Variants in CAMKK1 observed in about 807,000 individuals in gnomAD.
CAMKK1 encodes the protein calcium/calmodulin-dependent protein kinase kinase 1.
Under a neutral mutation model 63.5 loss-of-function variants are expected in CAMKK1, and 20 were observed. The ratio of observed to expected loss-of-function variants is 0.32; its 90% CI spans 0.22 to 0.46. The LOEUF (loss-of-function observed/expected upper bound fraction) is 0.46. CAMKK1 is among the 20% of genes least tolerant of loss of function. The pLI is 1.00. For synonymous variants in CAMKK1, 253 were observed against 269.0 expected (o/e 0.94, Z 0.58); for missense variants, 588 against 658.1 (o/e 0.89, Z 1.17).
intron 7 of CAMKK1, 138 bp from the exon 8 acceptor site, chr17:3,881,786 G>C (rs1445675226): frequency 1.4e-6 from 1 of 729,878 alleles, no homozygotes; most frequent in East Asian, 2.7e-5. Context: ...GGGGACCCTG[G>C]GATATGAGAG....
intron 15 of CAMKK1, among the ~76,000 whole-genome samples, chr17:3,863,545 T>G (rs2054397913): frequency 6.6e-6 from 1 of 152,072 alleles, no homozygotes; most frequent in Non-Finnish European, 1.5e-5. Flanking sequence ...GGATAAATAT[T>G]GGGACTTGAT....
At position 3,883,858 on chromosome 17, in the gene CAMKK1, C is replaced by T. The variant is rs747613603; in HGVS notation, c.462+26G>A. 1.9e-6 allele frequency: 3 copies of T among 1,613,054 alleles called. No individual in the cohort carries two copies. In the Admixed American group the frequency reaches 5.0e-5, roughly 27 times the overall value. ...GGCTTCCAGGGCCTGGCTTGGGCAA[C>T]ACCTCCCTCGTATCCCCAGACTCAC... On this transcript the variant is annotated intron_variant, in intron 4 of 15. Transcript: ENST00000348335. The surrounding 1 kb of genome is among the most constrained non-coding windows in gnomAD (Gnocchi z 4.7).
In CAMKK1 at chr17:3,892,963, C is replaced by CTT. The variant is rs2055958267; in HGVS notation, c.-69_-68insAA. 6.6e-6 allele frequency: 1 copy of CTT among 150,600 alleles called. No homozygotes were observed. Among genetic ancestry groups the CTT allele is most frequent in the Non-Finnish European group, 1.5e-5 (1 of 67,270 alleles). 9.3% of individuals were successfully genotyped at this position (150,600 alleles called of 1,614,324 possible). Reference sequence around the variant, plus strand: ...CCTGGGCGCCGGGCGACAGTGTCCGCGGCCCGGCGGGCGGCCCCACTCGCT... The same window carrying CTT: ...CCTGGGCGCCGGGCGACAGTGTCCGCTTGGCCCGGCGGGCGGCCCCACTCGCT... On this transcript the variant is annotated 5_prime_UTR_variant, in exon 1 of 16. Coordinates refer to ENST00000348335, the MANE Select transcript of CAMKK1 (RefSeq NM_032294.3). This position sits in a 1 kb window ranked among gnomAD's most constrained non-coding sequence, Gnocchi z 7.5.
At chr17:3,885,243 G>A (rs996595093) in intron 2 of CAMKK1, 85 bp downstream of exon 2, 15 of 1,407,486 alleles carry the variant, frequency 1.1e-5, no homozygotes, top group East Asian at 9.7e-5. Flanking sequence ...CTAGATAGCC[G>A]TGTGGCACAG....
In CAMKK1 at chr17:3,892,922, GCC is replaced by G. The variant is rs1290643572; in HGVS notation, c.-44+15_-44+16del. The G allele has an allele frequency of 6.7e-6, 1 of 149,152 alleles. No individual in the cohort carries two copies. The highest frequency in any genetic ancestry group is 2.0e-4 in the East Asian group (1 of 5,058). 9.2% of individuals were successfully genotyped at this position (149,152 alleles called of 1,614,324 possible). ...CCTCCTGCTCCTCGCCCGCGTCCCC[GCC>G]CCGCCGATCCCTACCTGGGCGCCGG... On this transcript the variant is annotated intron_variant, in intron 1 of 15. Transcript: ENST00000348335. This position sits in a 1 kb window ranked among gnomAD's most constrained non-coding sequence, Gnocchi z 7.5.
rs2055941236 is a variant in CAMKK1, at chr17:3,892,542, G to A, written c.-44+397C>T. ...GCTCCTGCAGGAAGACGCTCCGGCG[G>A]GCCGTGGGAGGAGCGCTCCGCGGAG... On this transcript the variant is annotated intron_variant, in intron 1 of 15. Transcript: ENST00000348335. The surrounding 1 kb of genome is among the most constrained non-coding windows in gnomAD (Gnocchi z 7.5). Among the ~76,000 whole-genome samples, 1 of 152,120 alleles carries A rather than the reference G, an allele frequency of 6.6e-6. No individual in the cohort carries two copies. Among genetic ancestry groups the A allele is most frequent in the Non-Finnish European group, 1.5e-5 (1 of 67,998 alleles).
chr17:3,890,625 C>G lies in CAMKK1; in HGVS notation c.-44+2314G>C, dbSNP rs185291302. ...TCTTTCCTGACCCAGGTCAGCAATC[C>G]GGGAGCCCTCCTTGTCACTCGTCCT... On this transcript the variant is annotated intron_variant, in intron 1 of 15. Coordinates refer to ENST00000348335, the MANE Select transcript of CAMKK1 (RefSeq NM_032294.3). This position sits in a 1 kb window ranked among gnomAD's most constrained non-coding sequence, Gnocchi z 6.5. 1.3e-6 allele frequency: 1 copy of G among 779,312 alleles called. No individual in the cohort carries two copies. Among genetic ancestry groups the G allele is most frequent in the Non-Finnish European group, 2.4e-6 (1 of 417,756 alleles). 48.3% of individuals were successfully genotyped at this position (779,312 alleles called of 1,614,324 possible). A position where few individuals can be genotyped will look rare whatever the true frequency, so the allele number is the denominator to read the frequency against.
At chr17:3,885,867 C>T in intron 1 of CAMKK1, 137 bp from the exon 2 acceptor site, 1 of 830,672 alleles carries the variant, frequency 1.2e-6, no homozygotes, top group East Asian at 2.7e-5. Flanking sequence ...AACACCCAAA[C>T]TCAAGTCTGT....
At chr17:3,866,526 G>A (rs571838651) in intron 14 of CAMKK1, among the ~76,000 whole-genome samples, 23 of 152,358 alleles carry the variant, frequency 1.5e-4, no homozygotes, top group African/African-American at 5.3e-4. Flanking sequence ...TGACAAGGAC[G>A]GTTCCATGCC....
At position 3,872,640 on chromosome 17, in the gene CAMKK1, G is replaced by A. The variant is rs752289982; in HGVS notation, c.1051-13C>T. On this transcript the variant is annotated splice_polypyrimidine_tract_variant and intron_variant, in intron 11 of 15. Coordinates refer to ENST00000348335, the MANE Select transcript of CAMKK1 (RefSeq NM_032294.3). ...CGATGAATGGGCACTGTGGGGTGGAGAGGCAGACAAAGGATGTGGGTCCAG... is the reference window on the plus strand; with the variant it reads ...CGATGAATGGGCACTGTGGGGTGGAAAGGCAGACAAAGGATGTGGGTCCAG... 1.9e-6 allele frequency: 3 copies of A among 1,612,064 alleles called. No homozygotes were observed. The highest frequency in any genetic ancestry group is 2.7e-5 in the African/African-American group (2 of 74,926).
intron 9 of CAMKK1, among the ~76,000 whole-genome samples, chr17:3,878,159 C>T (rs539037977): frequency 1.3e-5 from 2 of 152,288 alleles, no homozygotes; most frequent in East Asian, 1.9e-4. Flanking sequence ...TCATCTGCAT[C>T]GTTGCACCTG....
At chr17:3,891,117 G>GT (rs1555545833) in intron 1 of CAMKK1, among the ~76,000 whole-genome samples, 1 of 151,782 alleles carries the variant, frequency 6.6e-6, no homozygotes, top group African/African-American at 2.4e-5. Context: ...GTTGGGGGGG[G>GT]GGTCACAGGC....
rs779238199 is a variant in CAMKK1, at chr17:3,872,662, C to A, written c.1051-35G>T. On this transcript the variant is annotated intron_variant, in intron 11 of 15. Transcript: ENST00000348335. ...GGAGAGGCAGACAAAGGATGTGGGT[C>A]CAGGGCCTCGACCTGTGCCAGGGGA... is the stretch of plus-strand genomic sequence containing the variant. 4.4e-6 allele frequency: 7 copies of A among 1,587,680 alleles called. No individual in the cohort carries two copies. The African/African-American group carries it at 9.4e-5, about 21-fold the overall frequency.
chr17:3,865,201 T>C, intron 15 of CAMKK1: 1 of 985,762 alleles, frequency 1.0e-6, no homozygotes, highest in Non-Finnish European at 1.2e-6. Context: ...AAGGTGGATC[T>C]GCTGAGGACG....
At position 3,881,562 on chromosome 17, in the gene CAMKK1, C is replaced by T. The variant is rs530281510; in HGVS notation, c.707+65G>A. 1.0e-5 allele frequency: 15 copies of T among 1,501,876 alleles called. No homozygotes were observed. In the African/African-American group the frequency reaches 1.8e-4, roughly 18 times the overall value. 93.0% of individuals were successfully genotyped at this position (1,501,876 alleles called of 1,614,324 possible). ...GTAGCTGACCCCTGGGCTGGGGACA[C>T]AGGGAGGGAAAGGAAGGAAGGCCTG... On this transcript the variant is annotated intron_variant, in intron 8 of 15. Coordinates refer to ENST00000348335, the MANE Select transcript of CAMKK1 (RefSeq NM_032294.3).
At chr17:3,868,312 T>C (rs1378309697) in intron 14 of CAMKK1, among the ~76,000 whole-genome samples, 47 of 140,756 alleles carry the variant, frequency 3.3e-4, no homozygotes, top group African/African-American at 1.4e-3. Context: ...GCAGGCACCG[T>C]CTAACTGATA....
Position 3,882,334 on chromosome 17 carries a change from G to T in CAMKK1, c.685+194C>A, listed in dbSNP as rs772954283. The T allele has an allele frequency of 6.2e-7, 1 of 1,614,104 alleles. No homozygotes were observed. The highest frequency in any genetic ancestry group is 1.1e-5 in the South Asian group (1 of 91,074). On this transcript the variant is annotated intron_variant, in intron 7 of 15. Transcript: ENST00000348335. This position sits in a 1 kb window ranked among gnomAD's most constrained non-coding sequence, Gnocchi z 4.3. ...GGAGTGGGGCTTGGCGATATTTGTTGAATCTAACTGGATATTCTGGGCCTG... is the reference window on the plus strand; with the variant it reads ...GGAGTGGGGCTTGGCGATATTTGTTTAATCTAACTGGATATTCTGGGCCTG...
Position 3,879,973 on chromosome 17 carries a change from C to T in CAMKK1, c.796+373G>A, listed in dbSNP as rs1386018445. ...GTAAATCCACCCTGCCACCATGCCC[C>T]GGCCCCATGCCAGGACAGACTCTCC... On this transcript the variant is annotated intron_variant, in intron 9 of 15. Coordinates refer to ENST00000348335, the MANE Select transcript of CAMKK1 (RefSeq NM_032294.3). This position sits in a 1 kb window ranked among gnomAD's most constrained non-coding sequence, Gnocchi z 4.5. 3 of 250,804 alleles carry T rather than the reference C, an allele frequency of 1.2e-5. No individual in the cohort carries two copies. Among genetic ancestry groups the T allele is most frequent in the East Asian group, 9.8e-5 (1 of 10,170 alleles). The allele number at this position is 250,804 out of a possible 1,614,324, so 15.5% of individuals were successfully genotyped here.
chr17:3,871,418 G>T (rs550699713), intron 12 of CAMKK1, among the ~76,000 whole-genome samples: 24 of 131,304 alleles, frequency 1.8e-4, no homozygotes, highest in Non-Finnish European at 3.3e-4. Flanking sequence ...GCAGTAGCAC[G>T]GTCTCAGCTC....
Sources: gnomAD v4.1 joint callset for allele counts (sites outside exome capture counted in the v4.1 genomes callset) on GRCh38, gnomAD v4.1.1 for gene constraint, Gnocchi (gnomAD v3.1) non-coding constraint, MANE v1.5 for transcripts, NCBI Gene and HGNC (gene_info 2026-07-23, HGNC 2026-07-21) for gene names.